The following HMGN5 variants were observed in gnomAD, a reference collection of about 807,000 sequenced individuals.
HMGN5 encodes high mobility group nucleosome-binding domain-containing protein 5.
Under a neutral mutation model 9.5 loss-of-function variants are expected in HMGN5, and 4 were observed. The observed-to-expected ratio is 0.42, with a 90% CI of 0.21 to 0.96. The LOEUF (loss-of-function observed/expected upper bound fraction) is 0.96, where lower values mean the gene tolerates loss of function less well. Ranked by LOEUF, HMGN5 falls within the 40% of genes least tolerant of loss-of-function variation. HMGN5 has a pLI of 0.30. For synonymous variants in HMGN5, 55 were observed against 57.1 expected (o/e 0.96, Z 0.16); for missense variants, 192 against 187.5 (o/e 1.02, Z -0.14).
At chrX:81,169,387 A>G (rs1398971081) in intron 1 of HMGN5, among the ~76,000 whole-genome samples, 2 of 112,069 alleles carry the variant, frequency 1.8e-5, no homozygotes, top group Non-Finnish European at 3.8e-5. Flanking sequence ...GAAGAGTATA[A>G]TAAAAGTTGT....
intron 1 of HMGN5, among the ~76,000 whole-genome samples, chrX:81,168,012 G>A (rs890259865): frequency 8.9e-6 from 1 of 112,155 alleles, no homozygotes; most frequent in Non-Finnish European, 1.9e-5. Context: ...TAGAGTTAAT[G>A]AACAAAGACT....
At chrX:81,189,459 G>A (rs2075487893) in intron 1 of HMGN5, among the ~76,000 whole-genome samples, 1 of 111,816 alleles carries the variant, frequency 8.9e-6, no homozygotes, top group Non-Finnish European at 1.9e-5. Flanking sequence ...TTTCCATAAT[G>A]TCCCATAGTT....
chrX:81,201,052 A>T (rs1258179710), intron 1 of HMGN5, among the ~76,000 whole-genome samples: 1 of 111,188 alleles, frequency 9.0e-6, no homozygotes, highest in Non-Finnish European at 1.9e-5. Context: ...GACAGATTGG[A>T]GAAGGGAAAA....
chrX:81,153,906 C>T (rs1469353242), intron 1 of HMGN5, among the ~76,000 whole-genome samples: 2 of 105,873 alleles, frequency 1.9e-5, no homozygotes, highest in Non-Finnish European at 3.9e-5. Context: ...AGGAAAAATA[C>T]CTCATAGAAT....
At chrX:81,170,856 A>C (rs913322135) in intron 1 of HMGN5, among the ~76,000 whole-genome samples, 1 of 110,940 alleles carries the variant, frequency 9.0e-6, no homozygotes, top group South Asian at 3.8e-4. Flanking sequence ...GCAACCCTGC[A>C]CATTAGGTAC....
intron 1 of HMGN5, among the ~76,000 whole-genome samples, chrX:81,155,075 G>GTA (rs761895749): frequency 0.1 from 7,170 of 68,608 alleles, 367 homozygotes; most frequent in African/African-American, 0.18. Flanking sequence ...GTATATATCA[G>GTA]TATATATATA....
intron 1 of HMGN5, among the ~76,000 whole-genome samples, chrX:81,165,195 C>A (rs1239295264): frequency 9.0e-6 from 1 of 111,067 alleles, no homozygotes; most frequent in Non-Finnish European, 1.9e-5. Context: ...CCCATGGATT[C>A]AATTACTGTC....
chrX:81,189,063 T>C (rs935671067), intron 1 of HMGN5, among the ~76,000 whole-genome samples: 5 of 112,128 alleles, frequency 4.5e-5, no homozygotes, highest in Non-Finnish European at 9.4e-5. Flanking sequence ...CTGGTGTTAA[T>C]GAAATCTCTC....
chrX:81,163,304 C>T (rs890124352), intron 1 of HMGN5, among the ~76,000 whole-genome samples: 2 of 112,313 alleles, frequency 1.8e-5, no homozygotes, highest in Non-Finnish European at 3.8e-5. Context: ...ACAAACAATC[C>T]ATCCCTGCTG....
At chrX:81,179,139 C>A (rs1424679860) in intron 1 of HMGN5, among the ~76,000 whole-genome samples, 1 of 111,582 alleles carries the variant, frequency 9.0e-6, no homozygotes, top group Non-Finnish European at 1.9e-5. Context: ...TGAAAACCGG[C>A]ACAAGACAAG....
chrX:81,165,273 A>C (rs1428180488), intron 1 of HMGN5, among the ~76,000 whole-genome samples: 3 of 110,529 alleles, frequency 2.7e-5, no homozygotes, highest in African/African-American at 9.9e-5. Context: ...CCTACTTGAC[A>C]TCTCCGCTTG....
At chrX:81,147,647 G>T (rs1449580810) in intron 1 of HMGN5, among the ~76,000 whole-genome samples, 1 of 111,192 alleles carries the variant, frequency 9.0e-6, no homozygotes, top group African/African-American at 3.3e-5. Context: ...TCAGGCAAGA[G>T]AAAGAAATAA....
At chrX:81,190,778 A>T (rs1380937743) in intron 1 of HMGN5, among the ~76,000 whole-genome samples, 2 of 109,412 alleles carry the variant, frequency 1.8e-5, no homozygotes, top group African/African-American at 6.6e-5. Context: ...GTCTAGACTC[A>T]TTTTTTTTTA....
intron 1 of HMGN5, among the ~76,000 whole-genome samples, chrX:81,187,582 C>A (rs1405783412): frequency 2.7e-5 from 3 of 110,864 alleles, no homozygotes; most frequent in African/African-American, 9.8e-5. Flanking sequence ...GTTTTCGATC[C>A]ATGTGCACCT....
intron 1 of HMGN5, among the ~76,000 whole-genome samples, chrX:81,176,128 G>C (rs113286245): frequency 0.045 from 5,029 of 111,583 alleles, 288 homozygotes; most frequent in African/African-American, 0.16. Context: ...GCTGGTGATA[G>C]CCAGGCAAAC....
intron 1 of HMGN5, among the ~76,000 whole-genome samples, chrX:81,144,804 A>C: frequency 8.9e-6 from 1 of 112,016 alleles, no homozygotes; most frequent in Middle Eastern, 4.6e-3. Context: ...GAAGAACATA[A>C]ATGACCTGAT....
intron 1 of HMGN5, among the ~76,000 whole-genome samples, chrX:81,200,294 C>T (rs2095089122): frequency 1.8e-5 from 2 of 112,059 alleles, no homozygotes; most frequent in South Asian, 7.4e-4. Context: ...TTGTGGAAGA[C>T]AGTGTGGCGA....
intron 1 of HMGN5, among the ~76,000 whole-genome samples, chrX:81,156,166 GT>G (rs2075382401): frequency 8.9e-6 from 1 of 111,857 alleles, no homozygotes; most frequent in Non-Finnish European, 1.9e-5. Context: ...ATGTCATTTT[GT>G]TTTCTAAAAA....
chrX:81,147,628 C>G (rs1163629420), intron 1 of HMGN5, among the ~76,000 whole-genome samples: 1 of 111,174 alleles, frequency 9.0e-6, no homozygotes, highest in Admixed American at 9.7e-5. Context: ...GAAGTTCTGG[C>G]TAGGGCAATC....
Sources: gnomAD v4.1 joint callset for allele counts (sites outside exome capture counted in the v4.1 genomes callset) on GRCh38, gnomAD v4.1.1 for gene constraint, MANE v1.5 for transcripts, NCBI Gene and HGNC (gene_info 2026-07-23, HGNC 2026-07-21) for gene names.